The following CDK14 variants were observed in gnomAD, a reference collection of about 807,000 sequenced individuals.
CDK14 encodes cyclin-dependent kinase 14.
CDK14 carries 34 observed loss-of-function variants against 60.7 expected under a neutral mutation model. That is an observed-to-expected ratio of 0.56 (90% CI 0.43 to 0.75). The LOEUF is 0.75. Ranked by LOEUF, CDK14 falls within the 30% of genes least tolerant of loss-of-function variation. CDK14 has a pLI of 0.00. For synonymous variants in CDK14, 197 were observed against 203.7 expected (o/e 0.97, Z 0.28); for missense variants, 482 against 564.1 (o/e 0.85, Z 1.47).
At chr7:90,718,856 G>A (rs774170356) in intron 2 of CDK14, among the ~76,000 whole-genome samples, 1 of 152,100 alleles carries the variant, frequency 6.6e-6, no homozygotes, top group Non-Finnish European at 1.5e-5. Flanking sequence ...GATTCTAGTG[G>A]CAATGATTCT....
At chr7:91,001,370 G>A (rs1054970179) in intron 10 of CDK14, among the ~76,000 whole-genome samples, 1 of 152,112 alleles carries the variant, frequency 6.6e-6, no homozygotes, top group Admixed American at 6.5e-5. Flanking sequence ...CTCAGAATAC[G>A]TATCTTTGAT....
chr7:91,132,431 C>A (rs1427807452), intron 14 of CDK14, among the ~76,000 whole-genome samples: 2 of 152,024 alleles, frequency 1.3e-5, no homozygotes, highest in African/African-American at 4.8e-5. Flanking sequence ...ATTTGAAGCC[C>A]GATTCTGAGG....
At chr7:90,958,857 A>G (rs1020607332) in intron 9 of CDK14, among the ~76,000 whole-genome samples, 2 of 152,070 alleles carry the variant, frequency 1.3e-5, no homozygotes, top group Non-Finnish European at 2.9e-5. Flanking sequence ...TTTTTGTCTT[A>G]GTTGCTTGGT....
chr7:90,790,281 T>G (rs1231880340), intron 4 of CDK14, among the ~76,000 whole-genome samples: 3 of 152,104 alleles, frequency 2.0e-5, no homozygotes, highest in Non-Finnish European at 4.4e-5. Context: ...TGAGACTAAT[T>G]ATCAAGTGTG....
rs780389516 is a variant in CDK14, at chr7:91,045,912, A to G, written c.1057A>G (p.Asn353Asp). 3.1e-6 allele frequency: 5 copies of G among 1,610,856 alleles called. No individual in the cohort carries two copies. Among genetic ancestry groups the G allele is most frequent in the East Asian group, 2.2e-5 (1 of 44,832 alleles). The change falls in exon 11 of 15, where the codon AAT becomes GAT. Residue 353 changes from asparagine to aspartate, a missense_variant. Transcript: ENST00000380050. The stretch of plus-strand genomic sequence containing the variant: ...TCTCCACTAGGTTCTTGGAACACCA[A>G]ATGAGGACACATGGCCTGGAGTTCA... The part of the protein sequence containing the change: ...ERIFLVLGTP[N>D]EDTWPGVHSL...
At position 90,829,992 on chromosome 7, in the gene CDK14, A is replaced by G. The variant is rs144141010; in HGVS notation, c.545-33183A>G. On this transcript the variant is annotated intron_variant, in intron 5 of 14. Coordinates refer to ENST00000380050, the MANE Select transcript of CDK14 (RefSeq NM_001287135.2). ...TGCTGCCTTCACGGGCTGGTGTTGA[A>G]TGTCTGTGGCTTTTCCAGGCCTTTG... 1.3e-3 allele frequency among the ~76,000 whole-genome samples: 205 copies of G among 152,262 alleles called. 1 individual carries two copies. The highest frequency in any genetic ancestry group is 4.7e-3 in the African/African-American group (194 of 41,546).
chr7:91,198,502 A>AT (rs1353093194), intron 14 of CDK14, among the ~76,000 whole-genome samples: 2 of 152,192 alleles, frequency 1.3e-5, no homozygotes, highest in Non-Finnish European at 2.9e-5. Context: ...AAAAGAAAGC[A>AT]TGTGGGATGC....
intron 10 of CDK14, among the ~76,000 whole-genome samples, chr7:91,041,876 C>T (rs781160864): frequency 6.6e-6 from 1 of 152,208 alleles, no homozygotes; most frequent in African/African-American, 2.4e-5. Context: ...AGTCAGTCAA[C>T]ATTTACTGGG....
Position 90,932,602 on chromosome 7 carries a change from A to C in CDK14, c.826+14878A>C, listed in dbSNP as rs147574791. Among the ~76,000 whole-genome samples the C allele has an allele frequency of 7.0e-4, 106 of 152,344 alleles. 1 individual carries two copies. The East Asian group carries it at 0.016, about 24-fold the overall frequency. On this transcript the variant is annotated intron_variant, in intron 8 of 14. Coordinates refer to ENST00000380050, the MANE Select transcript of CDK14 (RefSeq NM_001287135.2). ...GAACAAATTTTGGACTCTGTGGAACATAAGTTGGGGAAATGTTGGTATATT... is the reference window on the plus strand; with the variant it reads ...GAACAAATTTTGGACTCTGTGGAACCTAAGTTGGGGAAATGTTGGTATATT...
chr7:90,600,018 A>G (rs1799281842), intron 1 of CDK14, among the ~76,000 whole-genome samples: 1 of 152,228 alleles, frequency 6.6e-6, no homozygotes, highest in Non-Finnish European at 1.5e-5. Flanking sequence ...CTGAGCTGAG[A>G]TTACTATATT....
At chr7:90,612,983 A>G (rs1799575972) in intron 2 of CDK14, among the ~76,000 whole-genome samples, 2 of 152,070 alleles carry the variant, frequency 1.3e-5, no homozygotes. Flanking sequence ...CTACCTCCTT[A>G]ATTCTCTCAT....
At chr7:91,090,975 C>T (rs550016964) in intron 12 of CDK14, among the ~76,000 whole-genome samples, 4 of 125,136 alleles carry the variant, frequency 3.2e-5, no homozygotes, top group African/African-American at 9.6e-5. Context: ...ACACCCAGCT[C>T]ATTAACTAAG....
intron 10 of CDK14, among the ~76,000 whole-genome samples, chr7:91,015,521 G>GC (rs1796274922): frequency 1.3e-5 from 1 of 77,664 alleles, no homozygotes; most frequent in Non-Finnish European, 2.3e-5. Context: ...TATGTCTTGG[G>GC]TTTTTTTTTT....
At chr7:90,679,855 T>G (rs931431715) in intron 2 of CDK14, among the ~76,000 whole-genome samples, 5 of 152,174 alleles carry the variant, frequency 3.3e-5, no homozygotes, top group African/African-American at 9.7e-5. Context: ...GCTATATAGA[T>G]TTATAGTCAG....
intron 13 of CDK14, among the ~76,000 whole-genome samples, chr7:91,113,302 T>C (rs939691045): frequency 6.6e-6 from 1 of 152,236 alleles, no homozygotes; most frequent in African/African-American, 2.4e-5. Flanking sequence ...CTGCAAATGC[T>C]CTTGGTATTT....
intron 7 of CDK14, 116 bp from the exon 8 acceptor site, chr7:90,917,485 A>T (rs1275256732): frequency 1.2e-6 from 1 of 845,712 alleles, no homozygotes; most frequent in Admixed American, 2.5e-5. Flanking sequence ...TTGGTAGAAA[A>T]TTTGGTGATG....
chr7:90,626,992 AAAAG>A (rs1799889785), intron 2 of CDK14, among the ~76,000 whole-genome samples: 1 of 152,042 alleles, frequency 6.6e-6, no homozygotes, highest in African/African-American at 2.4e-5. Context: ...ACAAAACAAA[AAAAG>A]AAAAGTAAAA....
intron 12 of CDK14, among the ~76,000 whole-genome samples, chr7:91,100,786 G>T (rs1448836043): frequency 1.3e-5 from 2 of 152,170 alleles, no homozygotes; most frequent in Non-Finnish European, 2.9e-5. Flanking sequence ...TCCAAAGCAA[G>T]AATTTAATAT....
At chr7:90,700,471 T>C (rs1801759061) in intron 2 of CDK14, among the ~76,000 whole-genome samples, 1 of 152,126 alleles carries the variant, frequency 6.6e-6, no homozygotes, top group African/African-American at 2.4e-5. Flanking sequence ...CTGGAGTCCA[T>C]CCAGATAATC....
Sources: gnomAD v4.1 joint callset for allele counts (sites outside exome capture counted in the v4.1 genomes callset) on GRCh38, gnomAD v4.1.1 for gene constraint, MANE v1.5 for transcripts, NCBI Gene and HGNC (gene_info 2026-07-23, HGNC 2026-07-21) for gene names.